The following POMT1 variants were observed in gnomAD, a reference collection of about 807,000 sequenced individuals.
The protein encoded by POMT1 is protein O-mannosyl-transferase 1.
A neutral mutation model predicts 101.6 loss-of-function variants in POMT1; 85 were observed. That is an observed-to-expected ratio of 0.84 (90% CI 0.70 to 1.00). The LOEUF is 1.00. POMT1 is among the 50% of genes least tolerant of loss of function. The probability of loss-of-function intolerance (pLI) is 0.00; values close to 1 mark genes in which losing one functional copy is unlikely to be tolerated. For synonymous variants in POMT1, 371 were observed against 383.0 expected (o/e 0.97, Z 0.37); for missense variants, 857 against 930.4 (o/e 0.92, Z 1.03).
Position 131,519,343 on chromosome 9 carries a change from G to A in POMT1, c.1487-46G>A. 1 of 1,532,702 alleles carries A rather than the reference G, an allele frequency of 6.5e-7. No homozygotes were observed. Among genetic ancestry groups the A allele is most frequent in the South Asian group, 1.2e-5 (1 of 83,656 alleles). 94.9% of individuals were successfully genotyped at this position (1,532,702 alleles called of 1,614,324 possible). A position where few individuals can be genotyped will look rare whatever the true frequency, so the allele number is the denominator to read the frequency against. On this transcript the variant is annotated intron_variant, in intron 15 of 19. Coordinates refer to ENST00000402686, the MANE Select transcript of POMT1 (RefSeq NM_001077365.2). This position sits in a 1 kb window ranked among gnomAD's most constrained non-coding sequence, Gnocchi z 4.3. ...CTGACAGCTTCTGCTCTGAGCTCTT[G>A]ACCTTGTGCTACTTCTATCTGTTAT...
intron 13 of POMT1, among the ~76,000 whole-genome samples, 170 bp downstream of exon 13, chr9:131,515,692 TTCCTCACACGGA>T (rs1442654677): frequency 6.7e-6 from 1 of 148,272 alleles, no homozygotes; most frequent in African/African-American, 2.5e-5. Context: ...CACAGGACAC[TTCCTCACACGGA>T]ACACTTCCTC....
At position 131,506,154 on chromosome 9, in the gene POMT1, A is replaced by G. The variant is rs1484268433; in HGVS notation, c.163A>G (p.Met55Val). 7 of 1,614,086 alleles carry G rather than the reference A, an allele frequency of 4.3e-6. No homozygotes were observed. In the East Asian group the frequency reaches 6.7e-5, roughly 15 times the overall value. ...VYYGQYISFY[M>V]KQIFFLDDSG... ...TTATGGGCAGTACATCTCTTTTTACATGAAACAAATCTTCTTCTTGGATGA... is the reference window on the plus strand; with the variant it reads ...TTATGGGCAGTACATCTCTTTTTACGTGAAACAAATCTTCTTCTTGGATGA... The change falls in exon 3 of 20, where the codon ATG becomes GTG. Residue 55 changes from methionine to valine, a missense_variant. Transcript: ENST00000402686.
chr9:131,512,524 T>C (rs909181302), intron 11 of POMT1, among the ~76,000 whole-genome samples: 10 of 152,304 alleles, frequency 6.6e-5, no homozygotes, highest in South Asian at 4.1e-4. Context: ...GGTCTCTAGC[T>C]GTCCCGGTCA....
chr9:131,512,980 C>T (rs1013519392), intron 11 of POMT1, among the ~76,000 whole-genome samples: 2 of 152,218 alleles, frequency 1.3e-5, no homozygotes, highest in Admixed American at 6.5e-5. Flanking sequence ...ACATTTGTCA[C>T]TGTAGTGTTT....
At position 131,506,258 on chromosome 9, in the gene POMT1, A is replaced by G. The variant is rs144885737; in HGVS notation, c.229+38A>G. The G allele has an allele frequency of 1.0e-4, 159 of 1,597,502 alleles. No individual in the cohort carries two copies. In the African/African-American group the frequency reaches 1.5e-3, roughly 15 times the overall value. On this transcript the variant is annotated intron_variant, in intron 3 of 19. Coordinates refer to ENST00000402686, the MANE Select transcript of POMT1 (RefSeq NM_001077365.2). ...AGGAGAGTAGCCCCTACCCTTCAGG[A>G]CCTCAAATACATTTAAAACTTATCA...
rs1949268549 is a variant in POMT1 at position 131,518,733 on chromosome 9, C to T, written c.1366-104C>T. 5 of 1,584,410 alleles carry T rather than the reference C, an allele frequency of 3.2e-6. No homozygotes were observed. In the East Asian group the frequency reaches 6.7e-5, roughly 21 times the overall value. On this transcript the variant is annotated intron_variant, in intron 14 of 19. Coordinates refer to ENST00000402686, the MANE Select transcript of POMT1 (RefSeq NM_001077365.2). ...CAATGTGAATCTCCCACAAGGGGCA[C>T]CTGCTGACAGCGTGACCCGGGCAGG...
rs59515295 is a variant in POMT1 at position 131,512,152 on chromosome 9, G to A, written c.1082+16G>A. On this transcript the variant is annotated intron_variant, in intron 11 of 19. Transcript: ENST00000402686. ...ATCCCAGGAGGTGAGTGCAGGTCCT[G>A]TGACTCCAGAGCAGAGCTCACCTCC... 212,652 of 1,612,492 alleles carry A rather than the reference G, an allele frequency of 0.13. 15,303 individuals are homozygous for A. Among genetic ancestry groups the A allele is most frequent in the African/African-American group, 0.15 (11,403 of 74,960 alleles).
chr9:131,511,934 C>A, intron 10 of POMT1, 107 bp from the exon 11 acceptor site: 1 of 1,181,554 alleles, frequency 8.5e-7, no homozygotes, highest in Non-Finnish European at 1.2e-6. Flanking sequence ...TGGTCTCAAA[C>A]TCCTGGGCTC....
intron 1 of POMT1, 56 bp from the exon 2 acceptor site, chr9:131,504,133 C>G (rs372326458): frequency 1.2e-6 from 2 of 1,604,322 alleles, no homozygotes; most frequent in East Asian, 2.2e-5. Flanking sequence ...GCTGGGGATC[C>G]CTTCTGTAGC....
intron 14 of POMT1, 61 bp downstream of exon 14, chr9:131,518,598 G>GC: frequency 6.6e-7 from 1 of 1,510,272 alleles, no homozygotes; most frequent in Non-Finnish European, 9.2e-7. Flanking sequence ...TGTTTCCCAA[G>GC]CCCCTCAGGC....
intron 6 of POMT1, 80 bp downstream of exon 6, chr9:131,509,102 T>C: frequency 3.1e-6 from 3 of 955,068 alleles, no homozygotes; most frequent in Admixed American, 1.8e-5. Context: ...GTCCAGTACC[T>C]TTTTTTGTTT....
chr9:131,515,844 G>A (rs1202086740), intron 13 of POMT1, among the ~76,000 whole-genome samples: 3 of 109,984 alleles, frequency 2.7e-5, no homozygotes, highest in South Asian at 3.0e-4. Flanking sequence ...TTCCTCACAC[G>A]GAGCACTTCC....
rs1564366730 is a variant in POMT1 at position 131,515,771 on chromosome 9, T to TTCCTCACAC, written c.1272+249_1272+250insTCCTCACAC. ...CTCACACGGAGCACTTCCTCTAACA[T>TTCCTCACAC]GGAGCACTTCCTGTAACACAGGACA... On this transcript the variant is annotated intron_variant, in intron 13 of 19. Transcript: ENST00000402686. Among the ~76,000 whole-genome samples, 5 of 16,764 alleles carry TTCCTCACAC rather than the reference T, an allele frequency of 3.0e-4. 1 individual carries two copies. The East Asian group carries it at 0.01, about 34-fold the overall frequency. 11.0% of individuals were successfully genotyped at this position (16,764 alleles called of 152,430 possible). A position where few individuals can be genotyped will look rare whatever the true frequency, so the allele number is the denominator to read the frequency against.
In POMT1 at chr9:131,513,428, C is replaced by A. The variant is rs959591437; in HGVS notation, c.1175+97C>A. On this transcript the variant is annotated intron_variant, in intron 12 of 19. Transcript: ENST00000402686. The stretch of plus-strand genomic sequence containing the variant: ...TGAGCCCTGCCTTGGGCCGCTGCCC[C>A]CTGTCTACCCATCATCTGCATGTGT... The A allele has an allele frequency of 8.2e-6, 9 of 1,099,060 alleles. No individual in the cohort carries two copies. In the African/African-American group the frequency reaches 1.2e-4, roughly 15 times the overall value. 68.1% of individuals were successfully genotyped at this position (1,099,060 alleles called of 1,614,324 possible).
rs1950052282 is a variant in POMT1 at position 131,522,100 on chromosome 9, G to A, written c.1879G>A (p.Val627Met). 3 of 1,614,004 alleles carry A rather than the reference G, an allele frequency of 1.9e-6. No individual in the cohort carries two copies. The highest frequency in any genetic ancestry group is 1.1e-5 in the South Asian group (1 of 91,088). ...GGCGCTGTGTGCCGGTGGCTGGGCAGTGAACTACCTCCCGTTCTTCCTGAT... is the reference window on the plus strand; with the variant it reads ...GGCGCTGTGTGCCGGTGGCTGGGCAATGAACTACCTCCCGTTCTTCCTGAT... ...AGALCAGGWA[V>M]NYLPFFLMEK... Residue 627 changes from valine to methionine, a missense_variant, in exon 19 of 20, where the codon GTG becomes ATG. By Grantham distance (21) the Val-to-Met change is conservative. Coordinates refer to ENST00000402686, the MANE Select transcript of POMT1 (RefSeq NM_001077365.2). The surrounding 1 kb of genome is among the most constrained non-coding windows in gnomAD (Gnocchi z 5.5).
intron 14 of POMT1, 104 bp downstream of exon 14, chr9:131,518,641 T>A: frequency 2.9e-6 from 4 of 1,399,830 alleles, no homozygotes; most frequent in Non-Finnish European, 1.0e-6. Context: ...AACGCTTCAT[T>A]TGAGTCATCA....
chr9:131,517,458 T>G (rs10793883), intron 13 of POMT1, among the ~76,000 whole-genome samples: 134,677 of 151,866 alleles, frequency 0.89, 60,421 homozygotes, highest in South Asian at 0.97. Context: ...TAAAATTTTT[T>G]GTGGAGATGG....
intron 9 of POMT1, 184 bp from the exon 10 acceptor site, chr9:131,511,153 C>A: frequency 3.0e-6 from 2 of 672,518 alleles, no homozygotes; most frequent in South Asian, 2.0e-5. Flanking sequence ...TTTGATCAGA[C>A]TTAGTGCTCA....
chr9:131,511,922 G>T, intron 10 of POMT1, 119 bp from the exon 11 acceptor site: 3 of 965,220 alleles, frequency 3.1e-6, no homozygotes, highest in Non-Finnish European at 4.9e-6. Flanking sequence ...TGTTGCCCAG[G>T]CTGGTCTCAA....
Sources: gnomAD v4.1 joint callset for allele counts (sites outside exome capture counted in the v4.1 genomes callset) on GRCh38, gnomAD v4.1.1 for gene constraint, Gnocchi (gnomAD v3.1) non-coding constraint, MANE v1.5 for transcripts, NCBI Gene and HGNC (gene_info 2026-07-23, HGNC 2026-07-21) for gene names.